PCDHGA4: variants seen among roughly 807,000 people sequenced by gnomAD.
The protein encoded by PCDHGA4 is protocadherin gamma subfamily A, 4.
In PCDHGA4, 38 loss-of-function variants were observed where a neutral mutation model predicts 54.6. That is an observed-to-expected ratio of 0.70 (90% CI 0.54 to 0.91). The LOEUF (loss-of-function observed/expected upper bound fraction) is 0.91, where lower values mean the gene tolerates loss of function less well. PCDHGA4 is among the 40% of genes least tolerant of loss of function. The pLI, the probability that PCDHGA4 is intolerant of heterozygous loss-of-function variation, is 0.00. For missense variants in PCDHGA4, 1,298 were observed against 1,220.9 expected, an observed-to-expected ratio of 1.06 and a Z score of -0.94; for synonymous variants, 511 against 512.9, an observed-to-expected ratio of 1.00 and a Z score of 0.05.
At chr5:141,414,834 C>T in intron 1 of PCDHGA4, 1 of 1,614,252 alleles carries the variant, frequency 6.2e-7, no homozygotes, top group South Asian at 1.1e-5. Context: ...TGTCGTTGAG[C>T]CTGTTTGTGC....
At chr5:141,402,882 G>A in intron 1 of PCDHGA4, 1 of 1,479,680 alleles carries the variant, frequency 6.8e-7, no homozygotes, top group South Asian at 1.4e-5. Context: ...TACTTTGCAG[G>A]GTGGAAGAAA....
intron 1 of PCDHGA4, chr5:141,403,406 T>A: frequency 6.2e-7 from 1 of 1,614,058 alleles, no homozygotes; most frequent in South Asian, 1.1e-5. Flanking sequence ...TGGAGCACGT[T>A]ATCCACTTCC....
At chr5:141,418,050 G>T in intron 1 of PCDHGA4, 1 of 1,613,576 alleles carries the variant, frequency 6.2e-7, no homozygotes, top group Non-Finnish European at 8.5e-7. Context: ...GTGTCGGCTC[G>T]CGAGCTGCGA....
At chr5:141,474,212 C>T (rs892802269) in intron 1 of PCDHGA4, among the ~76,000 whole-genome samples, 5 of 152,078 alleles carry the variant, frequency 3.3e-5, no homozygotes, top group African/African-American at 1.2e-4. Flanking sequence ...TTTCAAAAAC[C>T]AGATTGTGAA....
At chr5:141,400,799 G>C (rs2094077749) in intron 1 of PCDHGA4, 1 of 553,376 alleles carries the variant, frequency 1.8e-6, no homozygotes, top group Non-Finnish European at 3.2e-6. Flanking sequence ...CTTTCTCAAA[G>C]CTAATGAATT....
At chr5:141,474,044 T>A (rs1442885504) in intron 1 of PCDHGA4, among the ~76,000 whole-genome samples, 3 of 152,162 alleles carry the variant, frequency 2.0e-5, no homozygotes. Context: ...TACTCCAGCC[T>A]GGATGACAGA....
chr5:141,477,066 T>C lies in PCDHGA4; in HGVS notation c.2515-17741T>C. ...CGGCTGGACTTCGAGGACACCAAAC[T>C]CCATGAGATTTACATCCAGGCCAAA... On this transcript the variant is annotated intron_variant, in intron 1 of 3. Coordinates refer to ENST00000571252, the MANE Select transcript of PCDHGA4 (RefSeq NM_018917.4). This position sits in a 1 kb window ranked among gnomAD's most constrained non-coding sequence, Gnocchi z 4.9. 6.2e-7 allele frequency: 1 copy of C among 1,614,148 alleles called. No homozygotes were observed. The highest frequency in any genetic ancestry group is 8.5e-7 in the Non-Finnish European group (1 of 1,180,028).
At chr5:141,362,104 A>G (rs1762332057) in intron 1 of PCDHGA4, 1 of 1,613,874 alleles carries the variant, frequency 6.2e-7, no homozygotes, top group Non-Finnish European at 8.5e-7. Context: ...ACTCTCCGCT[A>G]CGGCCACGCT....
In PCDHGA4 at chr5:141,490,410, T is replaced by C. The variant is rs2099699827; in HGVS notation, c.2515-4397T>C. ...ATGGTGAAGTGAGCCTTGATATCTC[T>C]CCGGACCTGCCATTTCAGATTAAGC... On this transcript the variant is annotated intron_variant, in intron 1 of 3. Coordinates refer to ENST00000571252, the MANE Select transcript of PCDHGA4 (RefSeq NM_018917.4). The surrounding 1 kb of genome is among the most constrained non-coding windows in gnomAD (Gnocchi z 5.4). 1 of 1,614,172 alleles carries C rather than the reference T, an allele frequency of 6.2e-7. No individual in the cohort carries two copies. Among genetic ancestry groups the C allele is most frequent in the Non-Finnish European group, 8.5e-7 (1 of 1,180,042 alleles).
At chr5:141,391,973 G>A (rs1461017619) in intron 1 of PCDHGA4, 2 of 152,056 alleles carry the variant, frequency 1.3e-5, no homozygotes, top group Non-Finnish European at 2.9e-5. Context: ...AAATAAAATA[G>A]CAAAACAATG....
chr5:141,356,720 T>A lies in PCDHGA4; in HGVS notation c.1613T>A (p.Ile538Asn), dbSNP rs200566433. 2.0e-5 allele frequency: 32 copies of A among 1,613,888 alleles called. No individual in the cohort carries two copies. Among genetic ancestry groups the A allele is most frequent in the Non-Finnish European group, 3.4e-6 (4 of 1,179,892 alleles). The change falls in exon 1 of 4, where the codon ATC becomes AAC. Residue 538 changes from isoleucine to asparagine, a missense_variant. Transcript: ENST00000571252. Reference protein sequence around the residue: ...QGAPLSSYVSINSNTGILYAL... With the variant: ...QGAPLSSYVSNNSNTGILYAL... ...GCACCTCTGTCCTCCTATGTCTCCATCAACTCCAATACAGGGATCCTATAT... is the reference window on the plus strand; with the variant it reads ...GCACCTCTGTCCTCCTATGTCTCCAACAACTCCAATACAGGGATCCTATAT...
chr5:141,421,433 C>A lies in PCDHGA4; in HGVS notation c.2514+63812C>A, dbSNP rs772564300. 5 of 1,614,074 alleles carry A rather than the reference C, an allele frequency of 3.1e-6. No homozygotes were observed. In the African/African-American group the frequency reaches 4.0e-5, roughly 13 times the overall value. On this transcript the variant is annotated intron_variant, in intron 1 of 3. Coordinates refer to ENST00000571252, the MANE Select transcript of PCDHGA4 (RefSeq NM_018917.4). ...GCGAAGCGCGGAGTCCGCATCGTCTCCAGAGGGAAGACACAGCTTTTCGCT... is the reference window on the plus strand; with the variant it reads ...GCGAAGCGCGGAGTCCGCATCGTCTACAGAGGGAAGACACAGCTTTTCGCT...
chr5:141,365,941 T>C (rs1175439180), intron 1 of PCDHGA4: 15 of 1,614,152 alleles, frequency 9.3e-6, no homozygotes, highest in Non-Finnish European at 1.2e-5. Context: ...CCAGCGACAG[T>C]GGGAACCCTC....
chr5:141,458,509 CTTTGT>C (rs1181745590), intron 1 of PCDHGA4, among the ~76,000 whole-genome samples: 1 of 149,986 alleles, frequency 6.7e-6, no homozygotes, highest in Non-Finnish European at 1.5e-5. Context: ...CTGTTTGACA[CTTTGT>C]TTTTTTTTTT....
chr5:141,487,811 A>C lies in PCDHGA4; in HGVS notation c.2515-6996A>C, dbSNP rs1389081995. 2 of 1,414,662 alleles carry C rather than the reference A, an allele frequency of 1.4e-6. No homozygotes were observed. The highest frequency in any genetic ancestry group is 1.9e-6 in the Non-Finnish European group (2 of 1,041,698). The allele number at this position is 1,414,662 out of a possible 1,614,324, so 87.6% of individuals were successfully genotyped here. On this transcript the variant is annotated intron_variant, in intron 1 of 3. Coordinates refer to ENST00000571252, the MANE Select transcript of PCDHGA4 (RefSeq NM_018917.4). This position sits in a 1 kb window ranked among gnomAD's most constrained non-coding sequence, Gnocchi z 5.0. ...TTAACCAGAGTTGTCACAGTTTAGC[A>C]TTGGGGGCGGGTCATGCCTATATCT...
chr5:141,356,362 G>C lies in PCDHGA4; in HGVS notation c.1255G>C (p.Asp419His). The change falls in exon 1 of 4, where the codon GAT becomes CAT. Residue 419 changes from aspartate (D) to histidine (H), a missense_variant. By Grantham distance (81) the Asp-to-His change is moderately conservative (BLOSUM62 -1). Transcript: ENST00000571252. Reference sequence around the variant, plus strand: ...TGGCCTAGTCACATGTTCTATTCCAGATAATCTGCCATTCACACTTGAAAA... The same window carrying C: ...TGGCCTAGTCACATGTTCTATTCCACATAATCTGCCATTCACACTTGAAAA... ...GNGLVTCSIP[D>H]NLPFTLEKTY... 1 of 1,558,240 alleles carries C rather than the reference G, an allele frequency of 6.4e-7. No homozygotes were observed. The highest frequency in any genetic ancestry group is 8.7e-7 in the Non-Finnish European group (1 of 1,150,426).
Position 141,489,624 on chromosome 5 carries a change from C to T in PCDHGA4, c.2515-5183C>T. 1 of 1,614,088 alleles carries T rather than the reference C, an allele frequency of 6.2e-7. No homozygotes were observed. On this transcript the variant is annotated intron_variant, in intron 1 of 3. Transcript: ENST00000571252. The surrounding 1 kb of genome is among the most constrained non-coding windows in gnomAD (Gnocchi z 4.5). Reference sequence around the variant, plus strand: ...AGGTAGAGATCCTGGATCTCAATGACAACTCTCCTAGCTTTGCCACCCCTG... The same window carrying T: ...AGGTAGAGATCCTGGATCTCAATGATAACTCTCCTAGCTTTGCCACCCCTG...
intron 1 of PCDHGA4, among the ~76,000 whole-genome samples, chr5:141,479,036 G>C (rs1202411463): frequency 1.3e-5 from 2 of 152,012 alleles, no homozygotes; most frequent in Non-Finnish European, 2.9e-5. Flanking sequence ...TATACAGATC[G>C]TGTACCTCAT....
chr5:141,357,115 A>C lies in PCDHGA4; in HGVS notation c.2008A>C (p.Lys670Gln). The C allele has an allele frequency of 1.9e-6, 3 of 1,613,802 alleles. No individual in the cohort carries two copies. The highest frequency in any genetic ancestry group is 2.5e-6 in the Non-Finnish European group (3 of 1,179,938). ...ARALLDRDAL[K>Q]QRLVVVVQDH... is the part of the protein sequence containing the mutation. Reference sequence around the variant, plus strand: ...GGCCCTGCTGGACAGAGACGCGCTCAAGCAGAGGCTTGTAGTGGTCGTCCA... The same window carrying C: ...GGCCCTGCTGGACAGAGACGCGCTCCAGCAGAGGCTTGTAGTGGTCGTCCA... Residue 670 changes from lysine (K) to glutamine (Q), a missense_variant, in exon 1 of 4, where the codon AAG becomes CAG. Physicochemically the swap from Lys to Gln is moderately conservative, Grantham distance 53. Coordinates refer to ENST00000571252, the MANE Select transcript of PCDHGA4 (RefSeq NM_018917.4).
Sources: gnomAD v4.1 joint callset for allele counts (sites outside exome capture counted in the v4.1 genomes callset) on GRCh38, gnomAD v4.1.1 for gene constraint, Gnocchi (gnomAD v3.1) non-coding constraint, MANE v1.5 for transcripts, NCBI Gene and HGNC (gene_info 2026-07-23, HGNC 2026-07-21) for gene names.